The following COP1 variants were observed in gnomAD, a reference collection of about 807,000 sequenced individuals.
COP1 encodes COP1 E3 ubiquitin ligase, also known as E3 ubiquitin-protein ligase COP1.
Under a neutral mutation model 101.3 loss-of-function variants are expected in COP1, and 24 were observed. The ratio of observed to expected loss-of-function variants is 0.24; its 90% CI spans 0.17 to 0.33. COP1 has a LOEUF of 0.33. COP1 is among the 10% of genes least tolerant of loss of function. The pLI is 1.00. For synonymous variants in COP1, 347 were observed against 341.9 expected (o/e 1.01, Z -0.17); for missense variants, 663 against 906.2 (o/e 0.73, Z 3.45).
intron 3 of COP1, among the ~76,000 whole-genome samples, chr1:176,165,362 G>A (rs986007999): frequency 2.2e-4 from 6 of 26,946 alleles, no homozygotes; most frequent in Non-Finnish European, 3.8e-4. Flanking sequence ...GATGTGTGTC[G>A]TGTGTGTGTG....
intron 15 of COP1, among the ~76,000 whole-genome samples, chr1:176,010,756 C>T (rs60086820): frequency 0.053 from 8,070 of 152,184 alleles, 463 homozygotes; most frequent in Middle Eastern, 0.14. Context: ...AAGAAGAAAA[C>T]AAACACATCT....
intron 9 of COP1, among the ~76,000 whole-genome samples, chr1:176,089,299 T>C (rs12074627): frequency 0.058 from 8,735 of 150,590 alleles, 372 homozygotes; most frequent in Middle Eastern, 0.12. Flanking sequence ...TCTAAAACAA[T>C]AACAACAACA....
At chr1:176,112,236 A>AG (rs1553268839) in intron 9 of COP1, among the ~76,000 whole-genome samples, 1 of 151,764 alleles carries the variant, frequency 6.6e-6, no homozygotes, top group African/African-American at 2.4e-5. Context: ...AAAAAAAAAA[A>AG]ATTCTGATTG....
At chr1:176,205,275 C>T (rs1027538589) in intron 1 of COP1, among the ~76,000 whole-genome samples, 6 of 152,146 alleles carry the variant, frequency 3.9e-5, no homozygotes, top group Admixed American at 2.0e-4. Flanking sequence ...CCATAAACTG[C>T]TTATTTATAA....
At chr1:176,122,139 C>CA (rs34899450) in intron 8 of COP1, among the ~76,000 whole-genome samples, 72,613 of 114,784 alleles carry the variant, frequency 0.63, 21,348 homozygotes, top group East Asian at 0.67. Flanking sequence ...GACTGCATCT[C>CA]AAAAAAAAAA....
intron 9 of COP1, among the ~76,000 whole-genome samples, chr1:176,106,855 T>C (rs1430734091): frequency 2.0e-5 from 3 of 152,138 alleles, no homozygotes; most frequent in Admixed American, 6.5e-5. Flanking sequence ...GGTGAATCCA[T>C]TGAGTGGTTA....
intron 11 of COP1, among the ~76,000 whole-genome samples, chr1:176,056,238 G>A (rs971559577): frequency 9.2e-5 from 14 of 152,162 alleles, no homozygotes; most frequent in African/African-American, 3.1e-4. Flanking sequence ...GATGTTCCAT[G>A]GACAATTTAA....
In COP1 at chr1:176,147,540, T is replaced by C. The variant is rs146174482; in HGVS notation, c.831+1466A>G. Among the ~76,000 whole-genome samples the C allele has an allele frequency of 1.7e-3, 255 of 152,274 alleles. 1 individual carries two copies. Among genetic ancestry groups the C allele is most frequent in the African/African-American group, 5.9e-3 (244 of 41,564 alleles). Reference sequence around the variant, plus strand: ...AATATCCAGAAGTATTTGGAACTAGTATGTTTCTTGGTTAACCCACCTACT... The same window carrying C: ...AATATCCAGAAGTATTTGGAACTAGCATGTTTCTTGGTTAACCCACCTACT... On this transcript the variant is annotated intron_variant, in intron 6 of 19. Transcript: ENST00000367669.
At chr1:176,042,933 G>A (rs1157726376) in intron 14 of COP1, among the ~76,000 whole-genome samples, 4 of 151,880 alleles carry the variant, frequency 2.6e-5, no homozygotes, top group Admixed American at 6.6e-5. Flanking sequence ...GGAGGGTGAG[G>A]CAGGAGAATC....
At chr1:176,091,552 TAA>T (rs1362068750) in intron 9 of COP1, among the ~76,000 whole-genome samples, 1 of 152,090 alleles carries the variant, frequency 6.6e-6, no homozygotes, top group East Asian at 1.9e-4. Flanking sequence ...TAACAATATA[TAA>T]GTCAGAAGAA....
chr1:175,996,823 C>A (rs1660271370), intron 15 of COP1, among the ~76,000 whole-genome samples: 2 of 152,032 alleles, frequency 1.3e-5, no homozygotes, highest in Non-Finnish European at 2.9e-5. Context: ...GCCATACTGC[C>A]CAAGGTAATT....
At position 175,988,325 on chromosome 1, in the gene COP1, A is replaced by G. The variant is rs1455604442; in HGVS notation, c.1935T>C (p.Phe645=). ...AATCTCCATTGGAAGCCAGGCCTACAAAGTTTTTTTCATTGATATGACCCT... is the reference window on the plus strand; with the variant it reads ...AATCTCCATTGGAAGCCAGGCCTACGAAGTTTTTTTCATTGATATGACCCT... The part of the protein sequence containing the change: ...SFKGHINEKN[F]VGLASNGDYI... The change falls in exon 17 of 20, where the codon TTT becomes TTC. Residue 645 remains phenylalanine, a synonymous_variant. Transcript: ENST00000367669. 3.7e-6 allele frequency: 6 copies of G among 1,612,618 alleles called. No homozygotes were observed. Among genetic ancestry groups the G allele is most frequent in the Non-Finnish European group, 3.4e-6 (4 of 1,178,908 alleles).
chr1:175,990,929 T>G (rs150017639), intron 15 of COP1, among the ~76,000 whole-genome samples: 1,767 of 151,830 alleles, frequency 0.012, 33 homozygotes, highest in African/African-American at 0.037. Flanking sequence ...TGTAAACCCA[T>G]TCTGCCAATC....
chr1:176,023,583 T>C (rs1667148523), intron 15 of COP1, among the ~76,000 whole-genome samples: 1 of 151,754 alleles, frequency 6.6e-6, no homozygotes, highest in Non-Finnish European at 1.5e-5. Context: ...CTGGGAGTGG[T>C]GGCATATGCC....
At chr1:176,149,415 G>A (rs901327486) in intron 5 of COP1, among the ~76,000 whole-genome samples, 2 of 152,066 alleles carry the variant, frequency 1.3e-5, no homozygotes, top group Non-Finnish European at 2.9e-5. Context: ...AATTTACAGT[G>A]AAAGTAACAT....
At chr1:176,073,201 A>G (rs767437119) in intron 11 of COP1, among the ~76,000 whole-genome samples, 27 of 152,176 alleles carry the variant, frequency 1.8e-4, no homozygotes, top group Non-Finnish European at 3.4e-4. Context: ...TTGATGTAAA[A>G]TATTTATGAT....
In COP1 at chr1:176,068,997, G is replaced by A. The variant is rs754188295; in HGVS notation, c.1277+12155C>T. ...GGGCTGGAAGTTTGAGACTGGCCTC[G>A]GCAACATGGTGAGATCCTGTCTCCA... is the stretch of plus-strand genomic sequence containing the variant. On this transcript the variant is annotated intron_variant, in intron 11 of 19. Coordinates refer to ENST00000367669, the MANE Select transcript of COP1 (RefSeq NM_022457.7). Among the ~76,000 whole-genome samples the A allele has an allele frequency of 2.0e-5, 3 of 152,172 alleles. 1 individual carries two copies. Among genetic ancestry groups the A allele is most frequent in the Middle Eastern group, 6.8e-3 (2 of 294 alleles).
At position 176,167,208 on chromosome 1, in the gene COP1, C is replaced by T. The variant is rs1457898774; in HGVS notation, c.566-3317G>A. The stretch of plus-strand genomic sequence containing the variant: ...TGGGAAAACCCTTTCAAAACTATGT[C>T]ACAGCTTACAAACAAGAATAGCAAA... On this transcript the variant is annotated intron_variant, in intron 3 of 19. Transcript: ENST00000367669. Among the ~76,000 whole-genome samples, 3 of 152,256 alleles carry T rather than the reference C, an allele frequency of 2.0e-5. No homozygotes were observed. In the East Asian group the frequency reaches 5.8e-4, roughly 29 times the overall value.
At chr1:176,195,038 G>C (rs1320911105) in intron 1 of COP1, among the ~76,000 whole-genome samples, 2 of 151,832 alleles carry the variant, frequency 1.3e-5, no homozygotes, top group Non-Finnish European at 2.9e-5. Context: ...AGTGAGCTGT[G>C]ATCACGCCAC....
Sources: allele counts gnomAD v4.1 joint callset (sites outside exome capture counted in the v4.1 genomes callset), GRCh38; gene constraint gnomAD v4.1.1; transcripts MANE v1.5; gene names NCBI Gene and HGNC (gene_info 2026-07-23, HGNC 2026-07-21).